The following EXT2 variants were observed in gnomAD, a reference collection of about 807,000 sequenced individuals.
EXT2 encodes the protein exostosin-2.
EXT2 carries 53 observed loss-of-function variants against 81.6 expected under a neutral mutation model. The ratio of observed to expected loss-of-function variants is 0.65; its 90% confidence interval spans 0.52 to 0.82. The LOEUF is 0.82. Ranked by LOEUF, EXT2 falls within the 40% of genes least tolerant of loss-of-function variation. The pLI, the probability that EXT2 is intolerant of heterozygous loss-of-function variation, is 0.00. For missense variants in EXT2, 774 were observed against 910.2 expected (o/e 0.85, Z 1.93); for synonymous variants, 320 against 340.0 (o/e 0.94, Z 0.65).
rs889430893 is a variant in EXT2, at chr11:44,150,012, C to G, written c.1173+19874C>G. ...GGGGCTGCTGCTGATGTTGAGAGTT[C>G]TTCAGAAATTCTTTGGAACATGCTA... On this transcript the variant is annotated intron_variant, in intron 7 of 13. Coordinates refer to ENST00000533608, the MANE Select transcript of EXT2 (RefSeq NM_207122.2). Among the ~76,000 whole-genome samples the G allele has an allele frequency of 7.9e-5, 12 of 152,302 alleles. No individual in the cohort carries two copies. The East Asian group carries it at 2.3e-3, about 29-fold the overall frequency.
At chr11:44,184,223 T>C (rs1955276410) in intron 8 of EXT2, among the ~76,000 whole-genome samples, 1 of 152,248 alleles carries the variant, frequency 6.6e-6, no homozygotes, top group Non-Finnish European at 1.5e-5. Context: ...CAGTAAGCTC[T>C]TTCTCTTTCT....
At chr11:44,242,359 G>T (rs1451263034) in intron 13 of EXT2, among the ~76,000 whole-genome samples, 1 of 152,154 alleles carries the variant, frequency 6.6e-6, no homozygotes, top group Non-Finnish European at 1.5e-5. Context: ...ACCTCACTTT[G>T]TTAAAGTTCA....
chr11:44,180,411 T>C (rs1955219240), intron 8 of EXT2, among the ~76,000 whole-genome samples: 1 of 152,232 alleles, frequency 6.6e-6, no homozygotes, highest in South Asian at 2.1e-4. Flanking sequence ...TTTTCTTTCT[T>C]GTACAGCTTT....
chr11:44,120,788 C>T (rs1251350823), intron 4 of EXT2, among the ~76,000 whole-genome samples: 1 of 152,062 alleles, frequency 6.6e-6, no homozygotes, highest in Non-Finnish European at 1.5e-5. Context: ...GCTGTTTTGG[C>T]CTCAGCTGGA....
intron 13 of EXT2, among the ~76,000 whole-genome samples, chr11:44,243,618 C>CTTTTTTTTTTTTTTTTTTTT (rs1215047805): frequency 1.8e-4 from 13 of 72,906 alleles, no homozygotes; most frequent in East Asian, 5.3e-4. Context: ...GCCCTGTCAC[C>CTTTTTTTTTTTTTTTTTTTT]TTTTTTTTTT....
chr11:44,219,446 A>G (rs182061657), intron 10 of EXT2, among the ~76,000 whole-genome samples: 2 of 152,278 alleles, frequency 1.3e-5, no homozygotes, highest in Non-Finnish European at 2.9e-5. Context: ...TGAGTCTAGG[A>G]TCGTGCCACT....
Position 44,244,312 on chromosome 11 carries a change from A to G in EXT2, c.*25A>G. The G allele has an allele frequency of 6.2e-7, 1 of 1,613,646 alleles. No individual in the cohort carries two copies. Among genetic ancestry groups the G allele is most frequent in the Non-Finnish European group, 8.5e-7 (1 of 1,179,618 alleles). On this transcript the variant is annotated 3_prime_UTR_variant, in exon 14 of 14. Coordinates refer to ENST00000533608, the MANE Select transcript of EXT2 (RefSeq NM_207122.2). ...AAACGTGTCATTGGTGGAGGTCTGAATGTGAGGCTGGGACAGAGGGAGAGA... is the reference window on the plus strand; with the variant it reads ...AAACGTGTCATTGGTGGAGGTCTGAGTGTGAGGCTGGGACAGAGGGAGAGA...
chr11:44,167,353 T>C (rs984357350), intron 7 of EXT2, among the ~76,000 whole-genome samples: 4 of 152,210 alleles, frequency 2.6e-5, no homozygotes, highest in Non-Finnish European at 4.4e-5. Context: ...AATGCAGATA[T>C]TTCAGCAGCC....
At chr11:44,143,937 A>G (rs1165969836) in intron 7 of EXT2, among the ~76,000 whole-genome samples, 1 of 152,164 alleles carries the variant, frequency 6.6e-6, no homozygotes, top group Non-Finnish European at 1.5e-5. Flanking sequence ...GGCTGTCATG[A>G]TAGCAGCATT....
At chr11:44,119,041 G>T (rs570180365) in intron 4 of EXT2, among the ~76,000 whole-genome samples, 1 of 148,198 alleles carries the variant, frequency 6.7e-6, no homozygotes, top group Admixed American at 6.8e-5. Flanking sequence ...TTGAAAGCCT[G>T]TTTGGACCAA....
intron 9 of EXT2, among the ~76,000 whole-genome samples, chr11:44,203,485 C>T (rs748405976): frequency 2.2e-4 from 34 of 152,146 alleles, no homozygotes; most frequent in Non-Finnish European, 3.8e-4. Flanking sequence ...GAAATCTGCC[C>T]CAGGAGTGTT....
At chr11:44,123,718 T>G (rs1051156237) in intron 4 of EXT2, among the ~76,000 whole-genome samples, 35 of 152,262 alleles carry the variant, frequency 2.3e-4, no homozygotes, top group Non-Finnish European at 4.0e-4. Flanking sequence ...CATTTTGGAC[T>G]TCAGATTTTC....
At chr11:44,169,658 A>T (rs1955043966) in intron 7 of EXT2, among the ~76,000 whole-genome samples, 1 of 152,196 alleles carries the variant, frequency 6.6e-6, no homozygotes, top group African/African-American at 2.4e-5. Context: ...AATATATTAA[A>T]ACCCAGTAAC....
At chr11:44,112,062 A>G (rs1019553138) in intron 3 of EXT2, among the ~76,000 whole-genome samples, 3 of 152,204 alleles carry the variant, frequency 2.0e-5, no homozygotes, top group African/African-American at 7.2e-5. Flanking sequence ...TGTTTTGTGC[A>G]AAACCTGAAG....
At chr11:44,206,345 A>G (rs149487149) in intron 9 of EXT2, among the ~76,000 whole-genome samples, 1 of 152,294 alleles carries the variant, frequency 6.6e-6, no homozygotes, top group South Asian at 2.1e-4. Context: ...TTTGCAGAGT[A>G]TTTACCAGAG....
intron 7 of EXT2, among the ~76,000 whole-genome samples, chr11:44,145,811 T>C (rs1954708677): frequency 6.6e-6 from 1 of 152,214 alleles, no homozygotes; most frequent in African/African-American, 2.4e-5. Flanking sequence ...ATTATAATCA[T>C]CTAAAATATT....
chr11:44,222,037 ATTTAT>A (rs1372168044), intron 10 of EXT2, among the ~76,000 whole-genome samples: 1 of 152,198 alleles, frequency 6.6e-6, no homozygotes, highest in African/African-American at 2.4e-5. Flanking sequence ...TCTCGATCAT[ATTTAT>A]TTCTTGGTGC....
intron 4 of EXT2, among the ~76,000 whole-genome samples, chr11:44,123,180 G>C (rs1954343886): frequency 6.6e-6 from 1 of 152,160 alleles, no homozygotes. Context: ...CTCTATAAAA[G>C]GAGATGACCT....
chr11:44,142,479 G>A (rs1393946946), intron 7 of EXT2, among the ~76,000 whole-genome samples: 1 of 152,214 alleles, frequency 6.6e-6, no homozygotes, highest in Non-Finnish European at 1.5e-5. Context: ...TTGATAAGGA[G>A]TTTAATAGCA....
Sources: allele counts gnomAD v4.1 joint callset (sites outside exome capture counted in the v4.1 genomes callset), GRCh38; gene constraint gnomAD v4.1.1; transcripts MANE v1.5; gene names NCBI Gene and HGNC (gene_info 2026-07-23, HGNC 2026-07-21).